SYTL4: variants seen among roughly 807,000 people sequenced by gnomAD.
The protein encoded by SYTL4 is synaptotagmin-like protein 4.
A neutral mutation model predicts 52.7 loss-of-function variants in SYTL4; 16 were observed. The observed-to-expected ratio is 0.30, with a 90% confidence interval of 0.21 to 0.46. SYTL4 has a LOEUF of 0.46. SYTL4 is among the 20% of genes least tolerant of loss of function. The pLI, the probability that SYTL4 is intolerant of heterozygous loss-of-function variation, is 1.00. For synonymous variants in SYTL4, 160 were observed against 186.6 expected (o/e 0.86, Z 1.16); for missense variants, 423 against 519.9 (o/e 0.81, Z 1.81).
At position 100,688,255 on chromosome X, in the gene SYTL4, G is replaced by A. The variant is rs2083511821; in HGVS notation, c.1005+96C>T. On this transcript the variant is annotated intron_variant, in intron 13 of 19. Coordinates refer to ENST00000372989, the MANE Select transcript of SYTL4 (RefSeq NM_001370165.1). ...TTACTTACCTGAAAAGAGTGACTAG[G>A]ATGGTTTCCCCAGGTCCCGAATCTG... is the stretch of plus-strand genomic sequence containing the variant. The A allele has an allele frequency of 1.4e-5, 9 of 661,142 alleles. No individual in the cohort carries two copies. In the Admixed American group the frequency reaches 2.2e-4, roughly 16 times the overall value. The allele number at this position is 661,142 out of a possible 1,213,427, so 54.5% of individuals were successfully genotyped here.
intron 2 of SYTL4, among the ~76,000 whole-genome samples, chrX:100,726,761 A>C (rs1390655838): frequency 9.0e-6 from 1 of 111,010 alleles, no homozygotes; most frequent in Admixed American, 9.6e-5. Context: ...CATCATAGCC[A>C]AGCTTCTTCA....
At chrX:100,730,793 G>C (rs2084625750) in intron 2 of SYTL4, among the ~76,000 whole-genome samples, 1 of 110,670 alleles carries the variant, frequency 9.0e-6, no homozygotes, top group African/African-American at 3.3e-5. Flanking sequence ...TTCTACTAGG[G>C]TGCTAAAAAC....
chrX:100,704,503 G>A (rs1028837041), intron 3 of SYTL4, among the ~76,000 whole-genome samples: 8 of 112,342 alleles, frequency 7.1e-5, no homozygotes, highest in African/African-American at 2.3e-4. Flanking sequence ...GGATGAAGAA[G>A]GTGAAGTCAA....
At chrX:100,723,255 G>C (rs918392704) in intron 2 of SYTL4, among the ~76,000 whole-genome samples, 2 of 111,757 alleles carry the variant, frequency 1.8e-5, no homozygotes, top group Non-Finnish European at 3.8e-5. Context: ...GAGTGCCTGC[G>C]ATCGCAGGCG....
At chrX:100,724,033 G>A (rs1298098123) in intron 2 of SYTL4, among the ~76,000 whole-genome samples, 3 of 86,786 alleles carry the variant, frequency 3.5e-5, no homozygotes, top group East Asian at 4.0e-4. Context: ...TCAGCCCCCC[G>A]CCCAGCCAGC....
intron 13 of SYTL4, chrX:100,687,753 A>G (rs2083502388): frequency 8.8e-6 from 1 of 114,181 alleles, no homozygotes; most frequent in Non-Finnish European, 1.8e-5. Flanking sequence ...AGAAGTGAAA[A>G]GGCACCTTCC....
chrX:100,693,660 T>A (rs987108849), intron 8 of SYTL4, among the ~76,000 whole-genome samples: 7 of 111,896 alleles, frequency 6.3e-5, no homozygotes, highest in Non-Finnish European at 1.1e-4. Flanking sequence ...AGAACTATCA[T>A]ATGACCCAGC....
intron 12 of SYTL4, among the ~76,000 whole-genome samples, chrX:100,688,816 C>T (rs1408359076): frequency 9.2e-6 from 1 of 109,275 alleles, no homozygotes; most frequent in Non-Finnish European, 1.9e-5. Context: ...CCGCCTGCCT[C>T]GGCCTCCCAA....
At chrX:100,682,665 C>T (rs961958550) in intron 16 of SYTL4, among the ~76,000 whole-genome samples, 19 of 110,801 alleles carry the variant, frequency 1.7e-4, no homozygotes, top group African/African-American at 5.6e-4. Context: ...CAAGATCGCA[C>T]CACCGCACTC....
intron 2 of SYTL4, among the ~76,000 whole-genome samples, chrX:100,713,963 T>C (rs773710954): frequency 7.2e-5 from 8 of 110,603 alleles, no homozygotes; most frequent in African/African-American, 2.6e-4. Flanking sequence ...AGGAGGGTAA[T>C]AGCACACAGG....
Position 100,690,636 on chromosome X carries a change from C to T in SYTL4, c.644G>A (p.Arg215Lys). Residue 215 changes from arginine (R) to lysine (K), a missense_variant and splice_region_variant, in exon 10 of 20, where the codon AGA becomes AAA. Physicochemically the swap from Arg to Lys is conservative, Grantham distance 26. Transcript: ENST00000372989. ...GAGGCCAGATTTATCCAGAGAGTCTCTCCTGGAGGTAGATTCAGAAATTAT... is the reference window on the plus strand; with the variant it reads ...GAGGCCAGATTTATCCAGAGAGTCTTTCCTGGAGGTAGATTCAGAAATTAT... ...FTADSDSTSR[R>K]DSLDKSGLFP... The T allele has an allele frequency of 8.4e-7, 1 of 1,190,462 alleles. No individual in the cohort carries two copies.
intron 2 of SYTL4, among the ~76,000 whole-genome samples, chrX:100,707,979 A>G (rs950555730): frequency 2.2e-4 from 24 of 109,862 alleles, no homozygotes; most frequent in African/African-American, 8.0e-4. Context: ...TCACAAGAAC[A>G]GAAAACCAAA....
At chrX:100,715,385 T>C (rs2084181175) in intron 2 of SYTL4, among the ~76,000 whole-genome samples, 1 of 111,671 alleles carries the variant, frequency 9.0e-6, no homozygotes, top group South Asian at 3.8e-4. Flanking sequence ...AAATACTTAT[T>C]TTAGGAGTGA....
At chrX:100,722,079 G>A (rs1266752076) in intron 2 of SYTL4, among the ~76,000 whole-genome samples, 1 of 111,380 alleles carries the variant, frequency 9.0e-6, no homozygotes, top group Non-Finnish European at 1.9e-5. Flanking sequence ...TGGGATTACT[G>A]GTGTGAGCCA....
In SYTL4 at chrX:100,706,162, T is replaced by C. The variant is rs777978673; in HGVS notation, c.-239-1276A>G. Among the ~76,000 whole-genome samples the C allele has an allele frequency of 4.5e-5, 5 of 112,105 alleles. No homozygotes were observed. In the South Asian group the frequency reaches 1.9e-3, roughly 42 times the overall value. On this transcript the variant is annotated intron_variant, in intron 2 of 19. Transcript: ENST00000372989. Reference sequence around the variant, plus strand: ...CTATACCCAGGTTCTACATAATTCCTGGTCTACAACCTCAGCTGAACCCTC... The same window carrying C: ...CTATACCCAGGTTCTACATAATTCCCGGTCTACAACCTCAGCTGAACCCTC...
chrX:100,702,043 A>G lies in SYTL4; in HGVS notation c.-6T>C. On this transcript the variant is annotated 5_prime_UTR_variant, in exon 5 of 20. Coordinates refer to ENST00000372989, the MANE Select transcript of SYTL4 (RefSeq NM_001370165.1). ...AGGTCCAGTAACTCCGACATGATTT[A>G]CTCAACTTTTTCTTCTACTCTTCTT... 8.5e-7 allele frequency: 1 copy of G among 1,172,845 alleles called. No individual in the cohort carries two copies. Among genetic ancestry groups the G allele is most frequent in the Non-Finnish European group, 1.2e-6 (1 of 863,992 alleles).
intron 17 of SYTL4, 69 bp from the exon 18 acceptor site, chrX:100,679,481 G>A: frequency 1.1e-6 from 1 of 895,127 alleles, no homozygotes; most frequent in Non-Finnish European, 1.6e-6. Context: ...CTTTGTTTAT[G>A]CAGCACTTTC....
At chrX:100,698,332 T>C (rs1384048717) in intron 8 of SYTL4, among the ~76,000 whole-genome samples, 3 of 111,392 alleles carry the variant, frequency 2.7e-5, no homozygotes, top group Middle Eastern at 4.2e-3. Flanking sequence ...CTCGATCTCC[T>C]GACCTTGTGA....
At chrX:100,716,825 A>T (rs73557589) in intron 2 of SYTL4, among the ~76,000 whole-genome samples, 15,863 of 110,866 alleles carry the variant, frequency 0.14, 2,247 homozygotes, top group African/African-American at 0.44. Flanking sequence ...TTAAAATGTA[A>T]CTGTCTTAGA....
Sources: allele counts gnomAD v4.1 joint callset (sites outside exome capture counted in the v4.1 genomes callset), GRCh38; gene constraint gnomAD v4.1.1; transcripts MANE v1.5; gene names NCBI Gene and HGNC (gene_info 2026-07-23, HGNC 2026-07-21).